The following UBE4A variants were observed in gnomAD, a reference collection of about 807,000 sequenced individuals.
The protein encoded by UBE4A is ubiquitination factor E4A.
Under a neutral mutation model 117.9 loss-of-function variants are expected in UBE4A, and 48 were observed. The ratio of observed to expected loss-of-function variants is 0.41; its 90% CI spans 0.32 to 0.52. UBE4A has a LOEUF of 0.52. Ranked by LOEUF, UBE4A falls within the 20% of genes least tolerant of loss-of-function variation. The pLI, the probability that UBE4A is intolerant of heterozygous loss-of-function variation, is 0.33. For synonymous variants in UBE4A, 407 were observed against 450.0 expected (o/e 0.90, Z 1.21); for missense variants, 1,067 against 1,296.3 (o/e 0.82, Z 2.72).
At chr11:118,365,412 C>T (rs1948555086) in intron 2 of UBE4A, among the ~76,000 whole-genome samples, 3 of 152,094 alleles carry the variant, frequency 2.0e-5, no homozygotes, top group Non-Finnish European at 4.4e-5. Context: ...GCTGTCCTCT[C>T]CACTGTACAA....
intron 11 of UBE4A, among the ~76,000 whole-genome samples, chr11:118,380,679 C>G (rs1555126202): frequency 2.0e-5 from 3 of 152,132 alleles, no homozygotes; most frequent in South Asian, 2.1e-4. Context: ...AGTTATATAG[C>G]CAAGCTGTCA....
At chr11:118,376,479 A>G in intron 9 of UBE4A, 95 bp from the exon 10 acceptor site, 2 of 1,468,164 alleles carry the variant, frequency 1.4e-6, no homozygotes, top group Non-Finnish European at 9.1e-7. Flanking sequence ...GTTTTTAAGA[A>G]GATATCACTG....
In UBE4A at chr11:118,375,245, G is replaced by A; in HGVS notation, c.1450+16G>A. On this transcript the variant is annotated intron_variant, in intron 9 of 19. Transcript: ENST00000252108. ...CACATGAGAGGTAGGAGAGAACCAG[G>A]CTTCTCAAAACTGTGTGTGTGTGTG... The A allele has an allele frequency of 6.4e-7, 1 of 1,571,650 alleles. No individual in the cohort carries two copies. The highest frequency in any genetic ancestry group is 8.7e-7 in the Non-Finnish European group (1 of 1,155,098).
In UBE4A at chr11:118,375,844, A is replaced by G. The variant is rs1948648306; in HGVS notation, c.1450+615A>G. 2.6e-5 allele frequency among the ~76,000 whole-genome samples: 4 copies of G among 152,220 alleles called. No homozygotes were observed. In the South Asian group the frequency reaches 8.3e-4, roughly 32 times the overall value. ...AACTCAGGCTCCAGAAGGCAGATAT[A>G]TTAACTGATAATTATAATATGGTAT... On this transcript the variant is annotated intron_variant, in intron 9 of 19. Transcript: ENST00000252108.
intron 15 of UBE4A, 109 bp from the exon 16 acceptor site, chr11:118,386,329 C>A: frequency 8.2e-7 from 1 of 1,223,536 alleles, no homozygotes; most frequent in Non-Finnish European, 1.1e-6. Flanking sequence ...TTACATGGTC[C>A]CTCGTTTTCC....
At chr11:118,380,702 G>A (rs1948697798) in intron 11 of UBE4A, among the ~76,000 whole-genome samples, 1 of 152,186 alleles carries the variant, frequency 6.6e-6, no homozygotes, top group Non-Finnish European at 1.5e-5. Flanking sequence ...CAGGGCCTTA[G>A]GAATCTGAGG....
intron 19 of UBE4A, among the ~76,000 whole-genome samples, chr11:118,394,410 C>T (rs554873551): frequency 6.6e-6 from 1 of 152,324 alleles, no homozygotes; most frequent in South Asian, 2.1e-4. Flanking sequence ...AGTCCACTCA[C>T]ATCAGCCTCC....
At position 118,396,537 on chromosome 11, in the gene UBE4A, TTTTCTTTTTC is replaced by T. The variant is rs1591312506; in HGVS notation, c.*101_*110del. 1.5e-6 allele frequency: 2 copies of T among 1,373,252 alleles called. No individual in the cohort carries two copies. The highest frequency in any genetic ancestry group is 1.6e-5 in the African/African-American group (1 of 64,038). 85.1% of individuals were successfully genotyped at this position (1,373,252 alleles called of 1,614,324 possible). ...CTGGTTCTGTTCCTTTTCTTTCTTC[TTTTCTTTTTC>T]TTTTTTTTTTTTTTTTTTACTAAAT... is the stretch of plus-strand genomic sequence containing the variant. On this transcript the variant is annotated 3_prime_UTR_variant, in exon 20 of 20. Transcript: ENST00000252108.
At chr11:118,393,847 C>T (rs1948842939) in intron 19 of UBE4A, among the ~76,000 whole-genome samples, 2 of 152,214 alleles carry the variant, frequency 1.3e-5, no homozygotes. Flanking sequence ...CCTCCCACCT[C>T]AGCCTCCCAA....
At chr11:118,392,233 C>G (rs1310055260) in intron 18 of UBE4A, among the ~76,000 whole-genome samples, 3 of 152,094 alleles carry the variant, frequency 2.0e-5, no homozygotes, top group Non-Finnish European at 4.4e-5. Flanking sequence ...TAGAGCTTAG[C>G]CAGGTGGATC....
Position 118,375,245 on chromosome 11 carries a change from G to C in UBE4A, c.1450+16G>C. The C allele has an allele frequency of 6.4e-7, 1 of 1,571,650 alleles. No homozygotes were observed. Among genetic ancestry groups the C allele is most frequent in the Middle Eastern group, 1.7e-4 (1 of 5,896 alleles). On this transcript the variant is annotated intron_variant, in intron 9 of 19. Transcript: ENST00000252108. ...CACATGAGAGGTAGGAGAGAACCAG[G>C]CTTCTCAAAACTGTGTGTGTGTGTG...
chr11:118,378,153 A>G (rs1439303033), intron 10 of UBE4A, among the ~76,000 whole-genome samples: 3 of 151,282 alleles, frequency 2.0e-5, no homozygotes, highest in Admixed American at 6.6e-5. Flanking sequence ...AGGTTGAAGA[A>G]GGAGAATCGC....
chr11:118,373,738 CAGAA>C, intron 8 of UBE4A, 53 bp downstream of exon 8: 1 of 1,555,956 alleles, frequency 6.4e-7, no homozygotes, highest in Non-Finnish European at 8.7e-7. Flanking sequence ...AGAGTTTTCT[CAGAA>C]AGCAGATACA....
In UBE4A at chr11:118,373,152, G is replaced by C. The variant is rs533826295; in HGVS notation, c.788G>C (p.Arg263Thr). The C allele has an allele frequency of 1.2e-6, 2 of 1,614,058 alleles. No individual in the cohort carries two copies. The highest frequency in any genetic ancestry group is 1.7e-6 in the Non-Finnish European group (2 of 1,180,008). ...GCCTTGATATTGGATGAGGAAGTTA[G>C]AACATTTCCAGAAGTCATGATTCCA... ...IEALILDEEV[R>T]TFPEVMIPVF... The change falls in exon 7 of 20, where the codon AGA (arginine) becomes ACA (threonine). Residue 263 changes from arginine (R) to threonine (T), a missense_variant. Physicochemically the swap from Arg to Thr is moderately conservative, Grantham distance 71. Transcript: ENST00000252108.
chr11:118,373,724 TAA>T, intron 8 of UBE4A, 39 bp downstream of exon 8: 3 of 1,575,478 alleles, frequency 1.9e-6, no homozygotes, highest in Non-Finnish European at 2.6e-6. Context: ...CCCCTGATCT[TAA>T]AAGAGTTTTC....
chr11:118,393,371 C>A (rs1191952784), intron 19 of UBE4A, among the ~76,000 whole-genome samples: 1 of 152,116 alleles, frequency 6.6e-6, no homozygotes, highest in Non-Finnish European at 1.5e-5. Context: ...GAGCCGAGAT[C>A]GCACCACTGC....
At chr11:118,394,799 T>G (rs1261209494) in intron 19 of UBE4A, among the ~76,000 whole-genome samples, 1 of 151,494 alleles carries the variant, frequency 6.6e-6, no homozygotes, top group Non-Finnish European at 1.5e-5. Context: ...TTAAGTTATA[T>G]CTCTACAAAA....
In UBE4A at chr11:118,375,117, C is replaced by T; in HGVS notation, c.1338C>T (p.Cys446=). The change falls in exon 9 of 20, where the codon TGC becomes TGT. Residue 446 remains cysteine (C), a synonymous_variant. Transcript: ENST00000252108. ...LNLGAALLKL[C]QPFCKPRSSR... ...TGGGTGCTGCTCTCCTGAAGCTATG[C>T]CAGCCATTTTGCAAACCCAGATCCT... 6.2e-7 allele frequency: 1 copy of T among 1,614,182 alleles called. No homozygotes were observed. Among genetic ancestry groups the T allele is most frequent in the Non-Finnish European group, 8.5e-7 (1 of 1,180,038 alleles).
intron 2 of UBE4A, among the ~76,000 whole-genome samples, chr11:118,366,083 G>T (rs1162315656): frequency 1.3e-5 from 2 of 151,048 alleles, no homozygotes; most frequent in African/African-American, 4.9e-5. Context: ...AAACACTCAG[G>T]TGCATAGCTG....
Sources: allele counts gnomAD v4.1 joint callset (sites outside exome capture counted in the v4.1 genomes callset), GRCh38; gene constraint gnomAD v4.1.1; transcripts MANE v1.5; gene names NCBI Gene and HGNC (gene_info 2026-07-23, HGNC 2026-07-21).